Variants in RASAL2 observed in about 807,000 individuals in gnomAD.
RASAL2 encodes the protein ras GTPase-activating protein nGAP.
A neutral mutation model predicts 128.9 loss-of-function variants in RASAL2; 58 were observed. The observed-to-expected ratio is 0.45, with a 90% CI of 0.36 to 0.56. RASAL2 has a LOEUF of 0.56. Ranked by LOEUF, RASAL2 falls within the 20% of genes least tolerant of loss-of-function variation. The pLI, the probability that RASAL2 is intolerant of heterozygous loss-of-function variation, is 0.00. For missense variants in RASAL2, 1,360 were observed against 1,601.6 expected (o/e 0.85, Z 2.57); for synonymous variants, 561 against 580.8 (o/e 0.97, Z 0.49).
At chr1:178,273,971 G>A (rs1388867551) in intron 1 of RASAL2, among the ~76,000 whole-genome samples, 2 of 152,166 alleles carry the variant, frequency 1.3e-5, no homozygotes, top group African/African-American at 2.4e-5. Flanking sequence ...CTTTAGAGAT[G>A]CTTATATTAT....
At chr1:178,465,439 A>G (rs749258448) in intron 15 of RASAL2, among the ~76,000 whole-genome samples, 5 of 152,206 alleles carry the variant, frequency 3.3e-5, no homozygotes, top group Non-Finnish European at 7.3e-5. Context: ...GCTAAGACAC[A>G]TCAGAGATCC....
chr1:178,256,384 A>C (rs1665345319), intron 1 of RASAL2, among the ~76,000 whole-genome samples: 1 of 152,194 alleles, frequency 6.6e-6, no homozygotes, highest in South Asian at 2.1e-4. Flanking sequence ...ATCTACAGCT[A>C]ATATCATACT....
chr1:178,168,828 C>T (rs1184721620), intron 1 of RASAL2, among the ~76,000 whole-genome samples: 1 of 152,038 alleles, frequency 6.6e-6, no homozygotes, highest in Non-Finnish European at 1.5e-5. Flanking sequence ...TAGAGTTTGT[C>T]ACCGAGTGTT....
In RASAL2 at chr1:178,222,271, C is replaced by A. The variant is rs552748469; in HGVS notation, c.203-61293C>A. On this transcript the variant is annotated intron_variant, in intron 1 of 17. Coordinates refer to ENST00000367649, the MANE Select transcript of RASAL2 (RefSeq NM_170692.4). ...ATATATTTGGATTATTAATATCTAC[C>A]ATATTACTTCCTATTTGTATTCATT... is the stretch of plus-strand genomic sequence containing the variant. Among the ~76,000 whole-genome samples, 230 of 152,052 alleles carry A rather than the reference C, an allele frequency of 1.5e-3. 1 individual carries two copies. Among genetic ancestry groups the A allele is most frequent in the African/African-American group, 5.3e-3 (221 of 41,502 alleles).
intron 1 of RASAL2, chr1:178,194,415 G>C (rs932692968): frequency 1.4e-5 from 3 of 220,302 alleles, no homozygotes; most frequent in Non-Finnish European, 3.0e-5. Flanking sequence ...ATAGCACACA[G>C]AGTAGTGTCT....
intron 12 of RASAL2, 93 bp downstream of exon 12, chr1:178,454,741 G>C: frequency 7.4e-6 from 8 of 1,073,842 alleles, no homozygotes; most frequent in Non-Finnish European, 9.5e-6. Flanking sequence ...TCTGCTAATT[G>C]AAAGCAACTG....
At chr1:178,472,261 TTGTG>T (rs551764330) in intron 17 of RASAL2, among the ~76,000 whole-genome samples, 144 of 152,332 alleles carry the variant, frequency 9.5e-4, no homozygotes, top group African/African-American at 3.2e-3. Flanking sequence ...CCCTTGGTTT[TTGTG>T]TGTGTGTATT....
intron 3 of RASAL2, among the ~76,000 whole-genome samples, chr1:178,314,206 G>T (rs1379596638): frequency 1.3e-5 from 2 of 152,188 alleles, no homozygotes; most frequent in East Asian, 1.9e-4. Flanking sequence ...CACGTGAGAA[G>T]ATCCAAAAGT....
chr1:178,103,779 C>G (rs753842616), intron 1 of RASAL2, among the ~76,000 whole-genome samples: 4 of 151,790 alleles, frequency 2.6e-5, no homozygotes, highest in Admixed American at 6.6e-5. Flanking sequence ...AGTAAAGAAC[C>G]CTTTATCTGC....
chr1:178,245,953 G>A (rs946190815), intron 1 of RASAL2, among the ~76,000 whole-genome samples: 5 of 152,014 alleles, frequency 3.3e-5, no homozygotes, highest in African/African-American at 1.2e-4. Flanking sequence ...CACTACCATG[G>A]TGTTTGGTTA....
intron 1 of RASAL2, among the ~76,000 whole-genome samples, chr1:178,276,150 A>G (rs2102189405): frequency 6.6e-6 from 1 of 152,314 alleles, no homozygotes; most frequent in East Asian, 1.9e-4. Context: ...GAACTATAAT[A>G]TAATTTGCCA....
intron 1 of RASAL2, among the ~76,000 whole-genome samples, chr1:178,260,228 C>T (rs927735631): frequency 1.3e-5 from 2 of 149,116 alleles, no homozygotes; most frequent in Non-Finnish European, 3.0e-5. Context: ...TGGCTGGCGC[C>T]TGTAATCCCA....
intron 1 of RASAL2, among the ~76,000 whole-genome samples, chr1:178,248,933 T>C (rs896866404): frequency 6.6e-6 from 1 of 152,232 alleles, no homozygotes; most frequent in Non-Finnish European, 1.5e-5. Flanking sequence ...GGCTTCCCTT[T>C]GTAGGTAACC....
chr1:178,375,586 G>A (rs1309473829), intron 3 of RASAL2, among the ~76,000 whole-genome samples: 1 of 152,050 alleles, frequency 6.6e-6, no homozygotes, highest in African/African-American at 2.4e-5. Context: ...CCACAAGGAG[G>A]GCTTAATCCT....
chr1:178,185,350 A>T lies in RASAL2; in HGVS notation c.202+90656A>T, dbSNP rs538215147. On this transcript the variant is annotated intron_variant, in intron 1 of 17. Coordinates refer to ENST00000367649, the MANE Select transcript of RASAL2 (RefSeq NM_170692.4). ...TGCTCTAGTTAGGACGTATGGTAGG[A>T]TGCTGAAGAGGAATGATGACAGATG... 1.6e-4 allele frequency among the ~76,000 whole-genome samples: 24 copies of T among 151,976 alleles called. No homozygotes were observed. In the South Asian group the frequency reaches 4.6e-3, roughly 29 times the overall value.
At chr1:178,324,646 C>T (rs1204836553) in intron 3 of RASAL2, among the ~76,000 whole-genome samples, 1 of 151,968 alleles carries the variant, frequency 6.6e-6, no homozygotes, top group East Asian at 1.9e-4. Flanking sequence ...CCTTGACTGC[C>T]CAGAACCTTT....
intron 1 of RASAL2, among the ~76,000 whole-genome samples, chr1:178,210,310 C>T (rs1297436410): frequency 6.6e-6 from 1 of 152,018 alleles, no homozygotes; most frequent in Non-Finnish European, 1.5e-5. Flanking sequence ...ATTGACCTGG[C>T]CTTGTAATTC....
intron 1 of RASAL2, among the ~76,000 whole-genome samples, chr1:178,140,369 A>G (rs1029277323): frequency 2.6e-5 from 4 of 152,190 alleles, no homozygotes; most frequent in African/African-American, 9.6e-5. Context: ...CTGTCTTTGT[A>G]TTATACAGTT....
intron 17 of RASAL2, among the ~76,000 whole-genome samples, chr1:178,472,862 AAAAG>A (rs1166087522): frequency 6.6e-6 from 1 of 152,198 alleles, no homozygotes; most frequent in Non-Finnish European, 1.5e-5. Flanking sequence ...TGCTGAAAGA[AAAAG>A]AGAGAGAGAA....
Sources: allele counts gnomAD v4.1 joint callset (sites outside exome capture counted in the v4.1 genomes callset), GRCh38; gene constraint gnomAD v4.1.1; transcripts MANE v1.5; gene names NCBI Gene and HGNC (gene_info 2026-07-23, HGNC 2026-07-21).